ACSM1: variants seen among roughly 807,000 people sequenced by gnomAD.
The protein encoded by ACSM1 is acyl-coenzyme A synthetase ACSM1, mitochondrial.
Under a neutral mutation model 75.8 loss-of-function variants are expected in ACSM1, and 79 were observed. The observed-to-expected ratio is 1.04, with a 90% CI of 0.87 to 1.26. ACSM1 has a LOEUF of 1.26. Ranked by LOEUF, ACSM1 falls within the 50% of genes most tolerant of loss-of-function variation. The pLI is 0.00. For missense variants in ACSM1, 676 were observed against 720.1 expected (o/e 0.94, Z 0.70); for synonymous variants, 279 against 265.8 (o/e 1.05, Z -0.48).
chr16:20,637,373 G>C lies in ACSM1; in HGVS notation c.1195C>G (p.Gln399Glu). The C allele has an allele frequency of 6.2e-7, 1 of 1,614,020 alleles. No homozygotes were observed. Among genetic ancestry groups the C allele is most frequent in the Non-Finnish European group, 8.5e-7 (1 of 1,179,924 alleles). ...MGKATPPYDVQVIDDKGSILP... is the reference protein window; with the variant it reads ...MGKATPPYDVEVIDDKGSILP... Reference sequence around the variant, plus strand: ...TGCCAATGCCCTTAGGACCAGACCTGGACGTCGTAGGGTGGAGTGGCCTTC... The same window carrying C: ...TGCCAATGCCCTTAGGACCAGACCTCGACGTCGTAGGGTGGAGTGGCCTTC... Residue 399 changes from glutamine (Q) to glutamate (E), a missense_variant and splice_region_variant, in exon 9 of 14, where the codon CAG (glutamine) becomes GAG (glutamate). Physicochemically the swap from Gln to Glu is conservative, Grantham distance 29. Transcript: ENST00000520010.
chr16:20,682,796 A>G (rs1161958131), intron 3 of ACSM1, among the ~76,000 whole-genome samples: 1 of 152,230 alleles, frequency 6.6e-6, no homozygotes, highest in African/African-American at 2.4e-5. Context: ...GTATAGATGT[A>G]AACAGAACAG....
chr16:20,657,627 C>A (rs1596865083), intron 7 of ACSM1, among the ~76,000 whole-genome samples: 1 of 151,248 alleles, frequency 6.6e-6, no homozygotes, highest in African/African-American at 2.4e-5. Context: ...TTTATTATAC[C>A]TTAAGTTTTA....
At chr16:20,690,630 C>T (rs1461783987) in intron 2 of ACSM1, among the ~76,000 whole-genome samples, 1 of 152,178 alleles carries the variant, frequency 6.6e-6, no homozygotes, top group Non-Finnish European at 1.5e-5. Flanking sequence ...ACATGAATAC[C>T]AGTTAAGACA....
chr16:20,624,620 G>A (rs2016799710), intron 12 of ACSM1, among the ~76,000 whole-genome samples: 1 of 152,030 alleles, frequency 6.6e-6, no homozygotes, highest in Non-Finnish European at 1.5e-5. Context: ...ATAATTACTG[G>A]CAATTTATTA....
chr16:20,682,404 G>A lies in ACSM1; in HGVS notation c.463C>T (p.Gln155Ter), dbSNP rs770060543. The part of the protein sequence containing the change: ...LKAKDILYRL[Q>*]LSKAKGIVTI... ...ACAATGCCCTTGGCTTTAGACAACTGTAGTCGATAGAGAATGTCTTTGGCC... is the reference window on the plus strand; with the variant it reads ...ACAATGCCCTTGGCTTTAGACAACTATAGTCGATAGAGAATGTCTTTGGCC... The change falls in exon 4 of 14, where the codon CAG (glutamine) becomes TAG (stop). Residue 155 changes from glutamine to a stop codon, truncating the protein, a stop_gained. Transcript: ENST00000520010. LOFTEE classifies it high-confidence loss of function. 6.2e-7 allele frequency: 1 copy of A among 1,614,014 alleles called. No homozygotes were observed. Among genetic ancestry groups the A allele is most frequent in the Non-Finnish European group, 8.5e-7 (1 of 1,179,928 alleles).
rs1350659838 is a variant in ACSM1 at position 20,669,877 on chromosome 16, T to C, written c.862A>G (p.Thr288Ala). 6.2e-7 allele frequency: 1 copy of C among 1,614,042 alleles called. No individual in the cohort carries two copies. The highest frequency in any genetic ancestry group is 1.7e-5 in the Admixed American group (1 of 60,008). The change falls in exon 6 of 14, where the codon ACA (threonine) becomes GCA (alanine). Residue 288 changes from threonine (T) to alanine (A), a missense_variant. Coordinates refer to ENST00000520010, the MANE Select transcript of ACSM1 (RefSeq NM_001318890.3). ...TGTGGCAGATGGTGGATAAAGACTG[T>C]ACAACCCGCTGTCCATGGTTCTACC... The part of the protein sequence containing the change: ...TLVEPWTAGC[T>A]VFIHHLPQFD...
chr16:20,654,189 A>T (rs750625343), intron 7 of ACSM1, among the ~76,000 whole-genome samples: 52 of 152,242 alleles, frequency 3.4e-4, no homozygotes, highest in Non-Finnish European at 6.2e-4. Context: ...CTCTGGGATA[A>T]CTGGCTAGCC....
intron 10 of ACSM1, among the ~76,000 whole-genome samples, chr16:20,627,858 C>A (rs1393696860): frequency 4.2e-5 from 3 of 70,820 alleles, no homozygotes; most frequent in South Asian, 9.8e-4. Flanking sequence ...CTCTCTCTCT[C>A]TGTATGTATA....
chr16:20,672,622 A>G (rs1217556255), intron 4 of ACSM1, among the ~76,000 whole-genome samples: 1 of 132,008 alleles, frequency 7.6e-6, no homozygotes, highest in Non-Finnish European at 1.5e-5. Flanking sequence ...AAATATAATT[A>G]TAGGATATAT....
intron 3 of ACSM1, among the ~76,000 whole-genome samples, 175 bp from the exon 4 acceptor site, chr16:20,682,638 A>G (rs2079471190): frequency 6.6e-6 from 1 of 152,222 alleles, no homozygotes; most frequent in Admixed American, 6.5e-5. Flanking sequence ...TCAAACCTAC[A>G]GAATCAGAAT....
chr16:20,661,662 A>G (rs1007732426), intron 7 of ACSM1, 132 bp downstream of exon 7: 4 of 562,800 alleles, frequency 7.1e-6, no homozygotes, highest in Non-Finnish European at 1.2e-5. Flanking sequence ...ACTTTTGATC[A>G]TCATCGCCAC....
intron 10 of ACSM1, among the ~76,000 whole-genome samples, chr16:20,627,784 G>A (rs943926804): frequency 4.7e-5 from 7 of 149,564 alleles, no homozygotes; most frequent in South Asian, 2.1e-4. Flanking sequence ...AGCCAAGATC[G>A]CGCCACTGCA....
chr16:20,685,819 C>CAAAAA lies in ACSM1; in HGVS notation c.193-421_193-417dup, dbSNP rs71842093. On this transcript the variant is annotated intron_variant, in intron 2 of 13. Coordinates refer to ENST00000520010, the MANE Select transcript of ACSM1 (RefSeq NM_001318890.3). ...TGGATGACACAGTGAGACTCCGTCTCAAAAAAAAAAAACAAACAAAAAAAA... is the reference window on the plus strand; with the variant it reads ...TGGATGACACAGTGAGACTCCGTCTCAAAAAAAAAAAAAAAAACAAACAAAAAAAA... 7.8e-3 allele frequency among the ~76,000 whole-genome samples: 388 copies of CAAAAA among 50,064 alleles called. 67 individuals carry two copies. Among genetic ancestry groups the CAAAAA allele is most frequent in the Non-Finnish European group, 8.6e-3 (266 of 30,786 alleles). 32.8% of individuals were successfully genotyped at this position (50,064 alleles called of 152,430 possible).
At chr16:20,654,238 CA>C (rs1217141134) in intron 7 of ACSM1, among the ~76,000 whole-genome samples, 1 of 152,024 alleles carries the variant, frequency 6.6e-6, no homozygotes, top group African/African-American at 2.4e-5. Flanking sequence ...TCCCCTTATA[CA>C]AAAGTTAATT....
chr16:20,637,099 A>G, intron 9 of ACSM1: 1 of 754,558 alleles, frequency 1.3e-6, no homozygotes, highest in South Asian at 1.4e-5. Flanking sequence ...AATGAAAAGC[A>G]CCACTTGCTA....
rs761933838 is a variant in ACSM1, at chr16:20,640,460, C to T, written c.1116+1G>A. 6.2e-7 allele frequency: 1 copy of T among 1,614,156 alleles called. No homozygotes were observed. The highest frequency in any genetic ancestry group is 8.5e-7 in the Non-Finnish European group (1 of 1,180,002). ...GACACTTTCTGGTTTGCACCACCTA[C>T]CGTTTCCGACTGCCCATAGTTCTCG... On this transcript the variant is annotated splice_donor_variant, in intron 8 of 13. Transcript: ENST00000520010. LOFTEE classifies it high-confidence loss of function.
intron 5 of ACSM1, among the ~76,000 whole-genome samples, chr16:20,671,240 C>G (rs549118276): frequency 4.5e-4 from 69 of 152,244 alleles, no homozygotes; most frequent in Non-Finnish European, 7.5e-4. Context: ...TGTCTACTGT[C>G]TCTACCCACA....
intron 7 of ACSM1, among the ~76,000 whole-genome samples, chr16:20,643,610 T>A (rs988175597): frequency 5.9e-5 from 9 of 152,336 alleles, no homozygotes; most frequent in African/African-American, 1.9e-4. Flanking sequence ...TAAGATTTAT[T>A]GTGAAGAGTG....
intron 8 of ACSM1, among the ~76,000 whole-genome samples, chr16:20,639,954 C>T (rs548808628): frequency 2.6e-5 from 4 of 152,286 alleles, no homozygotes; most frequent in Admixed American, 2.0e-4. Context: ...TACATGCCTC[C>T]GCCACAATTT....
Sources: gnomAD v4.1 joint callset for allele counts (sites outside exome capture counted in the v4.1 genomes callset) on GRCh38, gnomAD v4.1.1 for gene constraint, MANE v1.5 for transcripts, NCBI Gene and HGNC (gene_info 2026-07-23, HGNC 2026-07-21) for gene names.